Variants in ELP4 observed in about 807,000 individuals in gnomAD.
ELP4 encodes elongator complex protein 4.
Under a neutral mutation model 48.9 loss-of-function variants are expected in ELP4, and 51 were observed. The observed-to-expected ratio is 1.04, with a 90% CI of 0.83 to 1.32. ELP4 has a LOEUF of 1.32. ELP4 is among the 40% of genes most tolerant of loss of function. The pLI is 0.00. For synonymous variants in ELP4, 210 were observed against 189.2 expected (o/e 1.11, Z -0.90); for missense variants, 519 against 514.6 (o/e 1.01, Z -0.08).
chr11:31,780,480 C>T (rs775910866), intron 9 of ELP4, among the ~76,000 whole-genome samples: 5 of 152,132 alleles, frequency 3.3e-5, no homozygotes, highest in Non-Finnish European at 5.9e-5. Flanking sequence ...AAGAGCCATC[C>T]TTGGGCATTT....
intron 9 of ELP4, among the ~76,000 whole-genome samples, chr11:31,691,543 C>T (rs1185068221): frequency 6.6e-6 from 1 of 151,938 alleles, no homozygotes; most frequent in East Asian, 1.9e-4. Context: ...GCTTTTAGTA[C>T]ATCATTTTCT....
At chr11:31,751,876 C>A (rs1442140164) in intron 9 of ELP4, among the ~76,000 whole-genome samples, 1 of 152,148 alleles carries the variant, frequency 6.6e-6, no homozygotes, top group African/African-American at 2.4e-5. Flanking sequence ...CCTGTCAATG[C>A]TACCCTTTAC....
At chr11:31,719,339 C>T (rs1002946144) in intron 9 of ELP4, 11 of 391,642 alleles carry the variant, frequency 2.8e-5, no homozygotes, top group African/African-American at 1.7e-4. Flanking sequence ...TATGTGGATG[C>T]ATGGCATACA....
intron 9 of ELP4, among the ~76,000 whole-genome samples, chr11:31,751,573 T>G (rs1947720214): frequency 6.6e-6 from 1 of 152,160 alleles, no homozygotes; most frequent in Non-Finnish European, 1.5e-5. Flanking sequence ...TGACATTGAA[T>G]AGACACTCAA....
intron 9 of ELP4, among the ~76,000 whole-genome samples, chr11:31,698,357 G>A (rs1946453414): frequency 6.6e-6 from 1 of 151,862 alleles, no homozygotes; most frequent in Non-Finnish European, 1.5e-5. Flanking sequence ...TATTACTAAT[G>A]AACACAAAGT....
At chr11:31,558,142 C>CT (rs560375572) in intron 3 of ELP4, among the ~76,000 whole-genome samples, 40 of 146,336 alleles carry the variant, frequency 2.7e-4, no homozygotes, top group Admixed American at 4.1e-4. Context: ...GGGTTTCACT[C>CT]TTTTTTTTTT....
chr11:31,535,319 A>G (rs1186780279), intron 2 of ELP4, among the ~76,000 whole-genome samples: 1 of 152,196 alleles, frequency 6.6e-6, no homozygotes, highest in East Asian at 1.9e-4. Flanking sequence ...TATATACAAT[A>G]AAATGCACCC....
intron 9 of ELP4, among the ~76,000 whole-genome samples, chr11:31,769,307 A>C (rs185877114): frequency 1.3e-5 from 2 of 152,180 alleles, no homozygotes; most frequent in African/African-American, 4.8e-5. Context: ...GACATTGGCT[A>C]TTATGCTCTG....
chr11:31,513,292 C>T (rs905443634), intron 1 of ELP4, among the ~76,000 whole-genome samples: 2 of 152,030 alleles, frequency 1.3e-5, no homozygotes, highest in Admixed American at 6.6e-5. Flanking sequence ...TTTTGATTCT[C>T]ATGTTTGTCC....
At chr11:31,561,929 A>T (rs1957031338) in intron 3 of ELP4, among the ~76,000 whole-genome samples, 1 of 152,168 alleles carries the variant, frequency 6.6e-6, no homozygotes, top group South Asian at 2.1e-4. Context: ...ATAATTATGG[A>T]ATCTATTATC....
intron 3 of ELP4, among the ~76,000 whole-genome samples, chr11:31,575,999 T>A (rs896736658): frequency 6.6e-6 from 1 of 152,026 alleles, no homozygotes; most frequent in African/African-American, 2.4e-5. Flanking sequence ...GACTGGAAAA[T>A]TGGATAAAGA....
chr11:31,513,579 C>T (rs1164338273), intron 1 of ELP4, among the ~76,000 whole-genome samples: 1 of 152,134 alleles, frequency 6.6e-6, no homozygotes, highest in African/African-American at 2.4e-5. Flanking sequence ...TCTTGACTTT[C>T]ATTTCTTTTC....
At chr11:31,548,487 G>C (rs1956777100) in intron 3 of ELP4, among the ~76,000 whole-genome samples, 1 of 151,898 alleles carries the variant, frequency 6.6e-6, no homozygotes, top group African/African-American at 2.4e-5. Context: ...AATAAAAGAG[G>C]ATACAAACAA....
chr11:31,736,114 G>T lies in ELP4; in HGVS notation c.1144-47279G>T, dbSNP rs562065343. Among the ~76,000 whole-genome samples the T allele has an allele frequency of 8.5e-5, 13 of 152,278 alleles. No homozygotes were observed. The South Asian group carries it at 2.7e-3, about 32-fold the overall frequency. On this transcript the variant is annotated intron_variant, in intron 9 of 9. Transcript: ENST00000640961. The stretch of plus-strand genomic sequence containing the variant: ...CAGTAACCAAAACAGCATGGTACTG[G>T]TACCAAAACAGAGCTGTAGACCAAT...
At chr11:31,578,287 A>G (rs1326027466) in intron 3 of ELP4, among the ~76,000 whole-genome samples, 1 of 152,144 alleles carries the variant, frequency 6.6e-6, no homozygotes, top group East Asian at 1.9e-4. Context: ...CAGCGAAAGA[A>G]GAGAATACAA....
intron 6 of ELP4, among the ~76,000 whole-genome samples, chr11:31,630,286 C>T (rs1944834019): frequency 6.8e-6 from 1 of 147,208 alleles, no homozygotes; most frequent in South Asian, 2.1e-4. Flanking sequence ...CATTATATCC[C>T]TTCAATTGTA....
chr11:31,722,390 T>G (rs934264101), intron 9 of ELP4, among the ~76,000 whole-genome samples: 1 of 152,220 alleles, frequency 6.6e-6, no homozygotes, highest in Non-Finnish European at 1.5e-5. Flanking sequence ...TTTAAATTAG[T>G]TATACATTTT....
chr11:31,744,104 C>G (rs1360077097), intron 9 of ELP4, among the ~76,000 whole-genome samples: 1 of 152,272 alleles, frequency 6.6e-6, no homozygotes, highest in East Asian at 1.9e-4. Context: ...TCAGAGAATA[C>G]TATAAACACC....
intron 2 of ELP4, among the ~76,000 whole-genome samples, chr11:31,525,773 G>C (rs976362684): frequency 2.0e-5 from 3 of 152,022 alleles, no homozygotes; most frequent in African/African-American, 7.2e-5. Context: ...TCCACTCCTA[G>C]GATTTTTGTT....
Sources: allele counts gnomAD v4.1 joint callset (sites outside exome capture counted in the v4.1 genomes callset), GRCh38; gene constraint gnomAD v4.1.1; transcripts MANE v1.5; gene names NCBI Gene and HGNC (gene_info 2026-07-23, HGNC 2026-07-21).